The following ALG5 variants were observed in gnomAD, a reference collection of about 807,000 sequenced individuals.
ALG5 encodes dolichyl-phosphate beta-glucosyltransferase.
In ALG5, 26 loss-of-function variants were observed where a neutral mutation model predicts 51.8. The ratio of observed to expected loss-of-function variants is 0.50; its 90% CI spans 0.37 to 0.70. The LOEUF (loss-of-function observed/expected upper bound fraction) is 0.70, where lower values mean the gene tolerates loss of function less well. ALG5 is among the 30% of genes least tolerant of loss of function. The pLI, the probability that ALG5 is intolerant of heterozygous loss-of-function variation, is 0.00. For synonymous variants in ALG5, 141 were observed against 136.1 expected (o/e 1.04, Z -0.25); for missense variants, 311 against 399.3 (o/e 0.78, Z 1.88).
At chr13:36,951,684 C>A (rs967283482) in intron 9 of ALG5, among the ~76,000 whole-genome samples, 5 of 152,168 alleles carry the variant, frequency 3.3e-5, no homozygotes, top group Admixed American at 6.5e-5. Flanking sequence ...TGATAGATTT[C>A]AAGTTATTAT....
chr13:36,995,820 C>G (rs1214880248), intron 1 of ALG5, among the ~76,000 whole-genome samples: 1 of 152,124 alleles, frequency 6.6e-6, no homozygotes, highest in African/African-American at 2.4e-5. Flanking sequence ...GGTGCTGATG[C>G]CTTAGGAGGC....
intron 8 of ALG5, among the ~76,000 whole-genome samples, chr13:36,964,905 A>T (rs2058885286): frequency 7.5e-6 from 1 of 133,186 alleles, no homozygotes; most frequent in Non-Finnish European, 1.6e-5. Flanking sequence ...ATCCTGGGCA[A>T]CAAGAGCGAA....
chr13:36,970,410 G>A (rs547154728), intron 7 of ALG5, among the ~76,000 whole-genome samples: 39 of 150,784 alleles, frequency 2.6e-4, no homozygotes, highest in African/African-American at 9.3e-4. Context: ...TCAGGAGTTC[G>A]AGACCAAATG....
intron 6 of ALG5, among the ~76,000 whole-genome samples, chr13:36,980,517 G>A (rs1448438401): frequency 1.3e-5 from 2 of 152,076 alleles, no homozygotes; most frequent in Non-Finnish European, 2.9e-5. Context: ...GTGAGCCACT[G>A]TGCCTGGCCA....
chr13:36,968,896 C>T (rs1194205897), intron 7 of ALG5, among the ~76,000 whole-genome samples: 1 of 152,190 alleles, frequency 6.6e-6, no homozygotes, highest in African/African-American at 2.4e-5. Flanking sequence ...ATAAGCTGGA[C>T]TTGAACAAGC....
At chr13:36,995,095 T>A in intron 2 of ALG5, 60 bp from the exon 3 acceptor site, 1 of 1,446,336 alleles carries the variant, frequency 6.9e-7, no homozygotes, top group Non-Finnish European at 9.7e-7. Flanking sequence ...GCCCGGCACA[T>A]TCAGCTTACA....
At chr13:36,960,818 T>C (rs2058862983) in intron 8 of ALG5, among the ~76,000 whole-genome samples, 1 of 151,714 alleles carries the variant, frequency 6.6e-6, no homozygotes, top group African/African-American at 2.4e-5. Flanking sequence ...ATTTTTGTAT[T>C]TTTTTTTGTA....
rs1420647888 is a variant in ALG5 at position 36,993,343 on chromosome 13, G to C, written c.354+261C>G. On this transcript the variant is annotated intron_variant, in intron 4 of 9. Transcript: ENST00000239891. ...GGAAAAAGGAAGCACAAATTGGTAG[G>C]CAACGAAGGTTCCTACCCTAAAGGC... Among the ~76,000 whole-genome samples, 4 of 152,192 alleles carry C rather than the reference G, an allele frequency of 2.6e-5. No homozygotes were observed. The South Asian group carries it at 8.3e-4, about 32-fold the overall frequency.
intron 6 of ALG5, among the ~76,000 whole-genome samples, chr13:36,977,444 T>G (rs2058957118): frequency 6.6e-6 from 1 of 151,824 alleles, no homozygotes; most frequent in South Asian, 2.1e-4. Flanking sequence ...GGCTGAGTCA[T>G]GATGGCACCA....
At chr13:36,957,856 G>C (rs1412129617) in intron 8 of ALG5, among the ~76,000 whole-genome samples, 1 of 152,032 alleles carries the variant, frequency 6.6e-6, no homozygotes. Context: ...CCACCCTGGA[G>C]ACATGGTATT....
chr13:36,977,790 CAA>C (rs869027711), intron 6 of ALG5, among the ~76,000 whole-genome samples: 14 of 39,168 alleles, frequency 3.6e-4, no homozygotes, highest in East Asian at 2.4e-3. Flanking sequence ...AGACTGTCTC[CAA>C]AAAAAAAAAA....
At chr13:36,995,107 A>G in intron 2 of ALG5, 72 bp from the exon 3 acceptor site, 1 of 1,355,158 alleles carries the variant, frequency 7.4e-7, no homozygotes, top group South Asian at 1.2e-5. Flanking sequence ...CAGCTTACAT[A>G]CAGAAAAAAG....
At chr13:36,986,766 A>G (rs1477347581) in intron 5 of ALG5, among the ~76,000 whole-genome samples, 1 of 152,148 alleles carries the variant, frequency 6.6e-6, no homozygotes, top group Admixed American at 6.5e-5. Flanking sequence ...CTCTACAAAA[A>G]AATTTAAAAA....
At chr13:36,967,413 T>C (rs1283632198) in intron 7 of ALG5, among the ~76,000 whole-genome samples, 5 of 152,148 alleles carry the variant, frequency 3.3e-5, no homozygotes, top group Non-Finnish European at 7.3e-5. Context: ...TTAAATGAGA[T>C]TATTTTAAAG....
chr13:36,972,759 A>G (rs962613567), intron 6 of ALG5, among the ~76,000 whole-genome samples: 4 of 152,058 alleles, frequency 2.6e-5, no homozygotes, highest in Admixed American at 6.5e-5. Context: ...TTGGGAGGCC[A>G]AGGAGGGCAG....
intron 6 of ALG5, among the ~76,000 whole-genome samples, chr13:36,974,716 C>G (rs1057511487): frequency 6.6e-6 from 1 of 151,550 alleles, no homozygotes; most frequent in Admixed American, 6.6e-5. Flanking sequence ...TGTAAAGCCC[C>G]CCCACCACCA....
intron 7 of ALG5, 133 bp from the exon 8 acceptor site, chr13:36,965,859 C>G: frequency 2.8e-6 from 2 of 704,296 alleles, no homozygotes; most frequent in South Asian, 4.6e-5. Flanking sequence ...ACCACTGTTC[C>G]ATGAGCTTCA....
Position 36,969,243 on chromosome 13 carries a change from C to T in ALG5, c.621+2734G>A, listed in dbSNP as rs962164187. 8.5e-5 allele frequency among the ~76,000 whole-genome samples: 13 copies of T among 152,058 alleles called. 1 individual carries two copies. The highest frequency in any genetic ancestry group is 7.9e-4 in the Admixed American group (12 of 15,260). ...GCAAGTTCTAAGTGAAAAGAATTTA[C>T]ACCATGAAAAACAAAACCAAAACAC... On this transcript the variant is annotated intron_variant, in intron 7 of 9. Transcript: ENST00000239891.
rs1470442661 is a variant in ALG5, at chr13:36,991,166, C to T, written c.355-1590G>A. ...TATTTGAGATTTCCAGACCATACCA[C>T]GGTCTTACACTTGTATGCCTTTTCT... On this transcript the variant is annotated intron_variant, in intron 4 of 9. Transcript: ENST00000239891. Among the ~76,000 whole-genome samples, 9 of 152,290 alleles carry T rather than the reference C, an allele frequency of 5.9e-5. No individual in the cohort carries two copies. In the South Asian group the frequency reaches 1.0e-3, roughly 18 times the overall value.
Sources: allele counts gnomAD v4.1 joint callset (sites outside exome capture counted in the v4.1 genomes callset), GRCh38; gene constraint gnomAD v4.1.1; transcripts MANE v1.5; gene names NCBI Gene and HGNC (gene_info 2026-07-23, HGNC 2026-07-21).